The following IL1RAPL2 variants were observed in gnomAD, a reference collection of about 807,000 sequenced individuals.
IL1RAPL2 encodes the protein X-linked interleukin-1 receptor accessory protein-like 2.
Under a neutral mutation model 44.1 loss-of-function variants are expected in IL1RAPL2, and 3 were observed. The ratio of observed to expected loss-of-function variants is 0.07; its 90% CI spans 0.03 to 0.18. The LOEUF (loss-of-function observed/expected upper bound fraction) is 0.18, where lower values mean the gene tolerates loss of function less well. IL1RAPL2 is among the 10% of genes least tolerant of loss of function. IL1RAPL2 has a pLI of 1.00. For missense variants in IL1RAPL2, 391 were observed against 496.4 expected (o/e 0.79, Z 2.02); for synonymous variants, 181 against 178.8 (o/e 1.01, Z -0.10).
At chrX:105,536,425 T>TAAAA (rs60312385) in intron 6 of IL1RAPL2, among the ~76,000 whole-genome samples, 7 of 92,148 alleles carry the variant, frequency 7.6e-5, no homozygotes, top group Admixed American at 1.2e-4. Flanking sequence ...TTTTATATGG[T>TAAAA]AAAAAAAAAA....
At chrX:104,763,296 A>G (rs899784416) in intron 2 of IL1RAPL2, among the ~76,000 whole-genome samples, 1 of 112,020 alleles carries the variant, frequency 8.9e-6, no homozygotes, top group Admixed American at 9.4e-5. Flanking sequence ...CTGGACTTCA[A>G]TGTCCATATC....
At chrX:104,585,280 T>TTATATAATA (rs1928502546) in intron 1 of IL1RAPL2, among the ~76,000 whole-genome samples, 1 of 18,249 alleles carries the variant, frequency 5.5e-5, no homozygotes, top group African/African-American at 5.2e-4. Flanking sequence ...ATTATATATA[T>TTATATAATA]TATATAATAT....
chrX:105,116,001 G>T (rs2032855110), intron 2 of IL1RAPL2, among the ~76,000 whole-genome samples: 2 of 113,304 alleles, frequency 1.8e-5, no homozygotes, highest in African/African-American at 6.4e-5. Context: ...CAGCAGCTCT[G>T]AGTGCGGGGC....
At chrX:105,018,337 G>A (rs1369546221) in intron 2 of IL1RAPL2, among the ~76,000 whole-genome samples, 3 of 110,994 alleles carry the variant, frequency 2.7e-5, no homozygotes, top group African/African-American at 9.8e-5. Context: ...CTTTTTATGT[G>A]CATTCCTTCG....
chrX:104,993,536 A>G (rs1387737362), intron 2 of IL1RAPL2, among the ~76,000 whole-genome samples: 1 of 111,543 alleles, frequency 9.0e-6, no homozygotes, highest in African/African-American at 3.3e-5. Flanking sequence ...TTGGTTTTAA[A>G]CTGTGATTTA....
chrX:105,219,192 G>A (rs782618693), intron 3 of IL1RAPL2: 7 of 1,208,636 alleles, frequency 5.8e-6, no homozygotes, highest in Admixed American at 4.4e-5. Context: ...CCTCCCAGTC[G>A]GAAGGCAGCT....
At chrX:105,259,827 C>T (rs1447051552) in intron 4 of IL1RAPL2, among the ~76,000 whole-genome samples, 2 of 111,700 alleles carry the variant, frequency 1.8e-5, no homozygotes, top group Non-Finnish European at 3.8e-5. Flanking sequence ...GCTAAGTTGC[C>T]TGGAGGACCT....
At chrX:104,809,912 G>T (rs1932960260) in intron 2 of IL1RAPL2, among the ~76,000 whole-genome samples, 1 of 110,834 alleles carries the variant, frequency 9.0e-6, no homozygotes, top group Non-Finnish European at 1.9e-5. Flanking sequence ...TCCCATTACT[G>T]GGTATATACC....
At chrX:105,032,988 C>T in intron 2 of IL1RAPL2, among the ~76,000 whole-genome samples, 1 of 111,712 alleles carries the variant, frequency 9.0e-6, no homozygotes, top group Non-Finnish European at 1.9e-5. Context: ...TAATGGCCTT[C>T]TTTGTCTCTT....
intron 7 of IL1RAPL2, among the ~76,000 whole-genome samples, chrX:105,726,746 T>C (rs1056442482): frequency 9.0e-6 from 1 of 110,810 alleles, no homozygotes; most frequent in Admixed American, 9.7e-5. Flanking sequence ...TTAACCCCCA[T>C]TTTTTCCAAT....
At chrX:105,359,655 G>A in intron 5 of IL1RAPL2, among the ~76,000 whole-genome samples, 1 of 110,509 alleles carries the variant, frequency 9.0e-6, no homozygotes, top group Non-Finnish European at 1.9e-5. Context: ...TGCAAATGGT[G>A]GCAGTAGATT....
chrX:105,576,670 C>T (rs780653285), intron 6 of IL1RAPL2, among the ~76,000 whole-genome samples: 2 of 111,796 alleles, frequency 1.8e-5, no homozygotes, highest in East Asian at 5.6e-4. Context: ...ACCTACATGA[C>T]CCTACTACCT....
At chrX:105,302,515 GCA>G (rs1046890525) in intron 5 of IL1RAPL2, among the ~76,000 whole-genome samples, 1 of 112,007 alleles carries the variant, frequency 8.9e-6, no homozygotes, top group Non-Finnish European at 1.9e-5. Flanking sequence ...CTTTCATGGT[GCA>G]CAGTGTGTTT....
intron 2 of IL1RAPL2, among the ~76,000 whole-genome samples, chrX:105,077,405 A>T (rs1486755672): frequency 8.9e-6 from 1 of 112,185 alleles, no homozygotes; most frequent in Non-Finnish European, 1.9e-5. Flanking sequence ...GTTTCTGCAG[A>T]GAGGTCAGCT....
At chrX:104,621,495 C>T (rs1190674358) in intron 1 of IL1RAPL2, among the ~76,000 whole-genome samples, 1 of 107,539 alleles carries the variant, frequency 9.3e-6, no homozygotes, top group African/African-American at 3.4e-5. Context: ...CTGCCGTACC[C>T]CCAGGGTGCT....
At chrX:104,977,822 TTATATC>T in intron 2 of IL1RAPL2, among the ~76,000 whole-genome samples, 1 of 112,453 alleles carries the variant, frequency 8.9e-6, no homozygotes, top group East Asian at 2.8e-4. Flanking sequence ...AGTTCTGCAG[TTATATC>T]TATATCCACG....
chrX:104,928,736 G>A (rs1030249764), intron 2 of IL1RAPL2, among the ~76,000 whole-genome samples: 2 of 111,063 alleles, frequency 1.8e-5, no homozygotes, highest in African/African-American at 6.6e-5. Context: ...AACTAAACAT[G>A]TACTACGTGA....
In IL1RAPL2 at chrX:105,447,230, AT is replaced by A. The variant is rs2035968823; in HGVS notation, c.698-37082del. 1.9e-4 allele frequency among the ~76,000 whole-genome samples: 5 copies of A among 26,495 alleles called. No individual in the cohort carries two copies. In the African/African-American group the frequency reaches 5.0e-3, roughly 26 times the overall value. The allele number at this position is 26,495 out of a possible 115,157, so 23.0% of individuals were successfully genotyped here. A position where few individuals can be genotyped will look rare whatever the true frequency, so the allele number is the denominator to read the frequency against. The stretch of plus-strand genomic sequence containing the variant: ...ATAAATATATATAAAATATATATAA[AT>A]ATATATATAAATATAAATATATATA... On this transcript the variant is annotated intron_variant, in intron 5 of 10. Transcript: ENST00000372582.
chrX:105,319,444 GAAC>G (rs1265312123), intron 5 of IL1RAPL2, among the ~76,000 whole-genome samples: 1 of 111,670 alleles, frequency 9.0e-6, no homozygotes, highest in African/African-American at 3.3e-5. Context: ...TCAAGGGCAG[GAAC>G]ATCATAACTT....
Sources: gnomAD v4.1 joint callset for allele counts (sites outside exome capture counted in the v4.1 genomes callset) on GRCh38, gnomAD v4.1.1 for gene constraint, MANE v1.5 for transcripts, NCBI Gene and HGNC (gene_info 2026-07-23, HGNC 2026-07-21) for gene names.